The following XYLT1 variants were observed in gnomAD, a reference collection of about 807,000 sequenced individuals.
XYLT1 encodes beta-D-xylosyltransferase 1.
A neutral mutation model predicts 91.3 loss-of-function variants in XYLT1; 36 were observed. The ratio of observed to expected loss-of-function variants is 0.39; its 90% confidence interval spans 0.30 to 0.52. The LOEUF is 0.52. XYLT1 is among the 20% of genes least tolerant of loss of function. The pLI is 0.68. For synonymous variants in XYLT1, 588 were observed against 532.0 expected, an observed-to-expected ratio of 1.11 and a Z score of -1.45; for missense variants, 1,242 against 1,284.5, an observed-to-expected ratio of 0.97 and a Z score of 0.51.
At chr16:17,126,935 A>T (rs1011949818) in intron 10 of XYLT1, among the ~76,000 whole-genome samples, 1 of 152,240 alleles carries the variant, frequency 6.6e-6, no homozygotes, top group African/African-American at 2.4e-5. Flanking sequence ...TGAACAATCA[A>T]TGAGTGACCA....
At chr16:17,344,388 G>C (rs2035114089) in intron 2 of XYLT1, among the ~76,000 whole-genome samples, 1 of 151,126 alleles carries the variant, frequency 6.6e-6, no homozygotes, top group South Asian at 2.1e-4. Context: ...AGCTACTCAG[G>C]AGGCTGAGGC....
chr16:17,416,156 G>A (rs8044921), intron 1 of XYLT1, among the ~76,000 whole-genome samples: 3,027 of 152,302 alleles, frequency 0.02, 86 homozygotes, highest in African/African-American at 0.068. Context: ...CCCCTGGTCT[G>A]TACCCACTAA....
At chr16:17,115,801 A>T (rs75524530) in intron 11 of XYLT1, among the ~76,000 whole-genome samples, 201 of 10,328 alleles carry the variant, frequency 0.019, no homozygotes, top group African/African-American at 0.039. Flanking sequence ...CTGTTATATT[A>T]AAAAAAAAAA....
At chr16:17,417,960 C>CA (rs2036201234) in intron 1 of XYLT1, among the ~76,000 whole-genome samples, 1 of 152,210 alleles carries the variant, frequency 6.6e-6, no homozygotes, top group Admixed American at 6.5e-5. Context: ...GAGCTCCCCC[C>CA]AACAACCCTC....
intron 2 of XYLT1, among the ~76,000 whole-genome samples, chr16:17,295,337 G>GTT (rs72324173): frequency 0.014 from 2,082 of 149,948 alleles, 67 homozygotes; most frequent in Admixed American, 0.078. Flanking sequence ...CCAGGTTTTT[G>GTT]TTTTGTTTTG....
At position 17,198,400 on chromosome 16, in the gene XYLT1, C is replaced by T. The variant is rs1172335684; in HGVS notation, c.1101G>A (p.Leu367=). Residue 367 remains leucine (L), a synonymous_variant, in exon 5 of 12, where the codon CTG becomes CTA. Transcript: ENST00000261381. ...YIHVDKRSNY[L]HRQVLQVSRQ... ...TGGAGACCTGGAGCACTTGCCGATG[C>T]AGGTAATTAGAGCGCTTTTCCCAGG... 6.2e-7 allele frequency: 1 copy of T among 1,613,972 alleles called. No homozygotes were observed. The highest frequency in any genetic ancestry group is 1.1e-5 in the South Asian group (1 of 91,084).
In XYLT1 at chr16:17,311,628, T is replaced by C. The variant is rs146548784; in HGVS notation, c.402+46384A>G. ...CTTCCTTCTTCAACAACGTTGATGC[T>C]GATTTCATGCTGTTTGTGCAACTTA... On this transcript the variant is annotated intron_variant, in intron 2 of 11. Coordinates refer to ENST00000261381, the MANE Select transcript of XYLT1 (RefSeq NM_022166.4). 2.4e-3 allele frequency among the ~76,000 whole-genome samples: 372 copies of C among 152,356 alleles called. 1 individual carries two copies. Among genetic ancestry groups the C allele is most frequent in the African/African-American group, 8.6e-3 (356 of 41,592 alleles).
intron 10 of XYLT1, among the ~76,000 whole-genome samples, chr16:17,124,025 C>T (rs1235212010): frequency 6.6e-6 from 1 of 152,060 alleles, no homozygotes; most frequent in African/African-American, 2.4e-5. Context: ...CATGTGAGTC[C>T]TCAGGTGCCA....
At chr16:17,320,470 T>C (rs2034698676) in intron 2 of XYLT1, among the ~76,000 whole-genome samples, 1 of 143,110 alleles carries the variant, frequency 7.0e-6, no homozygotes, top group African/African-American at 2.7e-5. Context: ...CTGTGTGACC[T>C]TGGAAAAGTT....
chr16:17,113,951 GT>G (rs1966847218), intron 11 of XYLT1, among the ~76,000 whole-genome samples: 1 of 150,314 alleles, frequency 6.7e-6, no homozygotes, highest in African/African-American at 2.4e-5. Context: ...CAGGAGGGTG[GT>G]GCACCCCAAT....
rs560061626 is a variant in XYLT1 at position 17,158,790 on chromosome 16, C to A, written c.1370+39G>T. The A allele has an allele frequency of 1.9e-6, 3 of 1,605,448 alleles. No individual in the cohort carries two copies. In the African/African-American group the frequency reaches 4.0e-5, roughly 21 times the overall value. ...TTCCCCAAATGATCACTCAGATTTT[C>A]ATTTCCATTTTGTACAGGGGTAGGG... On this transcript the variant is annotated intron_variant, in intron 6 of 11. Coordinates refer to ENST00000261381, the MANE Select transcript of XYLT1 (RefSeq NM_022166.4).
rs1378785818 is a variant in XYLT1, at chr16:17,234,506, A to G, written c.913+24482T>C. 7.2e-5 allele frequency among the ~76,000 whole-genome samples: 11 copies of G among 152,314 alleles called. No homozygotes were observed. In the South Asian group the frequency reaches 1.0e-3, roughly 14 times the overall value. On this transcript the variant is annotated intron_variant, in intron 3 of 11. Coordinates refer to ENST00000261381, the MANE Select transcript of XYLT1 (RefSeq NM_022166.4). ...AAATAAATAATGGGTAAATAAGCAC[A>G]TAAGAAATCAATCAAATCAGCTAGT...
chr16:17,343,963 C>T (rs1405058246), intron 2 of XYLT1, among the ~76,000 whole-genome samples: 1 of 152,170 alleles, frequency 6.6e-6, no homozygotes, highest in Non-Finnish European at 1.5e-5. Context: ...TAAACGTCAC[C>T]AGCTCCGTCT....
chr16:17,253,246 C>A (rs1246111890), intron 3 of XYLT1, among the ~76,000 whole-genome samples: 2 of 152,170 alleles, frequency 1.3e-5, no homozygotes, highest in African/African-American at 4.8e-5. Flanking sequence ...AGTCTATTCA[C>A]AGTAAATTTA....
At chr16:17,277,641 C>T (rs575712045) in intron 2 of XYLT1, among the ~76,000 whole-genome samples, 4 of 152,228 alleles carry the variant, frequency 2.6e-5, no homozygotes, top group East Asian at 1.9e-4. Context: ...CCACCTGCCT[C>T]GGCCTCCCAA....
At chr16:17,404,080 T>C (rs2035999972) in intron 1 of XYLT1, among the ~76,000 whole-genome samples, 1 of 143,028 alleles carries the variant, frequency 7.0e-6, no homozygotes, top group South Asian at 2.3e-4. Context: ...TAACTGTATG[T>C]GTGTGTGTCT....
chr16:17,123,843 TGTG>T (rs1457600937), intron 10 of XYLT1, among the ~76,000 whole-genome samples: 1 of 152,210 alleles, frequency 6.6e-6, no homozygotes, highest in African/African-American at 2.4e-5. Flanking sequence ...ATATTTAGAT[TGTG>T]GTGTTTTCCT....
At chr16:17,397,547 T>TC (rs2035903648) in intron 1 of XYLT1, among the ~76,000 whole-genome samples, 1 of 151,962 alleles carries the variant, frequency 6.6e-6, no homozygotes. Flanking sequence ...ACCTTTTCAT[T>TC]CCCCCCTTTA....
chr16:17,252,824 C>A (rs1010313850), intron 3 of XYLT1, among the ~76,000 whole-genome samples: 3 of 152,158 alleles, frequency 2.0e-5, no homozygotes, highest in Non-Finnish European at 2.9e-5. Flanking sequence ...AGACTTGCAG[C>A]CATGAGGAAT....
Sources: allele counts gnomAD v4.1 joint callset (sites outside exome capture counted in the v4.1 genomes callset), GRCh38; gene constraint gnomAD v4.1.1; transcripts MANE v1.5; gene names NCBI Gene and HGNC (gene_info 2026-07-23, HGNC 2026-07-21).